Variants in HNRNPLL observed in about 807,000 individuals in gnomAD.
HNRNPLL encodes the protein heterogeneous nuclear ribonucleoprotein L-like.
In HNRNPLL, 25 loss-of-function variants were observed where a neutral mutation model predicts 67.1. The ratio of observed to expected loss-of-function variants is 0.37; its 90% CI spans 0.27 to 0.52. The LOEUF (loss-of-function observed/expected upper bound fraction) is 0.52, where lower values mean the gene tolerates loss of function less well. Ranked by LOEUF, HNRNPLL falls within the 20% of genes least tolerant of loss-of-function variation. The pLI, the probability that HNRNPLL is intolerant of heterozygous loss-of-function variation, is 0.90. For synonymous variants in HNRNPLL, 267 were observed against 241.7 expected (o/e 1.10, Z -0.97); for missense variants, 542 against 673.9 (o/e 0.80, Z 2.17).
At chr2:38,579,812 G>C (rs1666450738) in intron 6 of HNRNPLL, among the ~76,000 whole-genome samples, 1 of 151,836 alleles carries the variant, frequency 6.6e-6, no homozygotes, top group Non-Finnish European at 1.5e-5. Context: ...AGTTTCAATA[G>C]CTATCAATTT....
intron 12 of HNRNPLL, among the ~76,000 whole-genome samples, chr2:38,567,642 T>C (rs1021484546): frequency 5.3e-5 from 8 of 152,184 alleles, no homozygotes; most frequent in East Asian, 3.9e-4. Flanking sequence ...CCACCCTGTA[T>C]AGTCCCCTCC....
chr2:38,562,184 C>G lies in HNRNPLL; in HGVS notation c.*1998G>C, dbSNP rs114444331. ...GAGAGAGTATTCACAAAGCAAACTT[C>G]ATTAACAGCAGTCATGCCTAAGTAA... On this transcript the variant is annotated 3_prime_UTR_variant, in exon 13 of 13. Transcript: ENST00000449105. The G allele has an allele frequency of 6.6e-6, 1 of 152,168 alleles. No homozygotes were observed. The highest frequency in any genetic ancestry group is 1.5e-5 in the Non-Finnish European group (1 of 68,022). The allele number at this position is 152,168 out of a possible 1,614,324, so 9.4% of individuals were successfully genotyped here.
chr2:38,594,162 A>G (rs1275812939), intron 1 of HNRNPLL, among the ~76,000 whole-genome samples: 1 of 152,090 alleles, frequency 6.6e-6, no homozygotes, highest in Non-Finnish European at 1.5e-5. Context: ...GCGACAGAAC[A>G]AGACTCCATC....
chr2:38,581,464 T>C (rs1271875073), intron 6 of HNRNPLL: 1 of 183,356 alleles, frequency 5.5e-6, no homozygotes, highest in Non-Finnish European at 1.1e-5. Context: ...TTCAGAGGGC[T>C]TTTTGCTGAT....
intron 1 of HNRNPLL, chr2:38,602,196 G>C (rs1446624310): frequency 5.9e-6 from 3 of 506,544 alleles, no homozygotes; most frequent in Middle Eastern, 5.0e-4. Flanking sequence ...CCCTCCCCAA[G>C]TTCAGGGCCC....
intron 4 of HNRNPLL, 54 bp downstream of exon 4, chr2:38,583,787 A>G (rs2148362445): frequency 1.2e-6 from 1 of 846,272 alleles, no homozygotes; most frequent in East Asian, 2.7e-5. Context: ...TAAGCCAGAA[A>G]AAATAAGATC....
intron 1 of HNRNPLL, among the ~76,000 whole-genome samples, chr2:38,601,275 T>C (rs546915858): frequency 6.6e-6 from 1 of 152,328 alleles, no homozygotes; most frequent in Admixed American, 6.5e-5. Context: ...AACTGGAAAC[T>C]GCAACGCTGG....
chr2:38,602,242 G>A (rs1054135381), intron 1 of HNRNPLL, 196 bp downstream of exon 1: 1 of 556,000 alleles, frequency 1.8e-6, no homozygotes. Flanking sequence ...CGGCCAGGAC[G>A]GCGCCGGGTT....
At chr2:38,598,809 C>A (rs1667311919) in intron 1 of HNRNPLL, among the ~76,000 whole-genome samples, 1 of 152,170 alleles carries the variant, frequency 6.6e-6, no homozygotes, top group South Asian at 2.1e-4. Flanking sequence ...GATGGTAAAA[C>A]CTACTACTTT....
At chr2:38,579,866 T>A (rs999663581) in intron 6 of HNRNPLL, among the ~76,000 whole-genome samples, 1 of 152,168 alleles carries the variant, frequency 6.6e-6, no homozygotes, top group African/African-American at 2.4e-5. Flanking sequence ...CATAAACTGT[T>A]ATGGTCTCGC....
chr2:38,563,033 G>A lies in HNRNPLL; in HGVS notation c.*1149C>T, dbSNP rs188793296. 1.1e-3 allele frequency: 165 copies of A among 152,088 alleles called. No homozygotes were observed. Among genetic ancestry groups the A allele is most frequent in the African/African-American group, 3.8e-3 (157 of 41,520 alleles). 9.4% of individuals were successfully genotyped at this position (152,088 alleles called of 1,614,324 possible). Reference sequence around the variant, plus strand: ...ACATATTCTCCCTTCTTTTAAAGATGAAAACAAAATGGCCACATCAGTTTT... The same window carrying A: ...ACATATTCTCCCTTCTTTTAAAGATAAAAACAAAATGGCCACATCAGTTTT... On this transcript the variant is annotated 3_prime_UTR_variant, in exon 13 of 13. Transcript: ENST00000449105.
Position 38,602,895 on chromosome 2 carries a change from T to TCC in HNRNPLL, c.-271_-270dup, listed in dbSNP as rs1270434516. On this transcript the variant is annotated 5_prime_UTR_variant, in exon 1 of 13. Transcript: ENST00000449105. ...AGCCTCTCCCTCCTCCTCCTCCGTC[T>TCC]CCGCTCCCTGCCCGGAGGAGCGAAT... is the stretch of plus-strand genomic sequence containing the variant. The TCC allele has an allele frequency of 1.2e-5, 18 of 1,544,218 alleles. No homozygotes were observed. Among genetic ancestry groups the TCC allele is most frequent in the Non-Finnish European group, 1.6e-5 (18 of 1,142,078 alleles).
In HNRNPLL at chr2:38,577,311, A is replaced by C. The variant is rs75047903; in HGVS notation, c.874+150T>G. On this transcript the variant is annotated intron_variant, in intron 7 of 12. Transcript: ENST00000449105. ...ATCCTAAGAAAACAAATTTTGGACA[A>C]CTCCTGGGAGTACATTACAAGGGAC... The C allele has an allele frequency of 0.03, 15,817 of 529,168 alleles. 433 individuals are homozygous for C. The highest frequency in any genetic ancestry group is 0.075 in the South Asian group (2,585 of 34,656). 32.8% of individuals were successfully genotyped at this position (529,168 alleles called of 1,614,324 possible). A position where few individuals can be genotyped will look rare whatever the true frequency, so the allele number is the denominator to read the frequency against.
chr2:38,575,106 A>T (rs1666248601), intron 7 of HNRNPLL, among the ~76,000 whole-genome samples: 1 of 151,750 alleles, frequency 6.6e-6, no homozygotes, highest in Non-Finnish European at 1.5e-5. Flanking sequence ...AACCTCTGAG[A>T]TCTACTGCCC....
intron 2 of HNRNPLL, among the ~76,000 whole-genome samples, chr2:38,590,156 C>T (rs146124706): frequency 6.7e-4 from 102 of 152,264 alleles, no homozygotes; most frequent in Non-Finnish European, 9.1e-4. Context: ...CCAAGGTTAA[C>T]GTGTTTGCCA....
Position 38,564,004 on chromosome 2 carries a change from ACAATT to A in HNRNPLL, c.*173_*177del, listed in dbSNP as rs1250969729. 8.9e-6 allele frequency: 5 copies of A among 561,894 alleles called. No individual in the cohort carries two copies. Among genetic ancestry groups the A allele is most frequent in the South Asian group, 4.6e-5 (2 of 43,490 alleles). The allele number at this position is 561,894 out of a possible 1,614,324, so 34.8% of individuals were successfully genotyped here. ...TATGATATTCTATCTTAAAATGAAA[ACAATT>A]CAATATTTAAGCTTACAACAAATTT... is the stretch of plus-strand genomic sequence containing the variant. On this transcript the variant is annotated 3_prime_UTR_variant, in exon 13 of 13. Transcript: ENST00000449105.
intron 1 of HNRNPLL, among the ~76,000 whole-genome samples, chr2:38,596,406 G>T (rs1010521660): frequency 2.0e-4 from 30 of 152,080 alleles, no homozygotes; most frequent in African/African-American, 7.2e-4. Flanking sequence ...CCACAAGCAT[G>T]TACCACCACA....
At position 38,562,699 on chromosome 2, in the gene HNRNPLL, T is replaced by A. The variant is rs1186029202; in HGVS notation, c.*1483A>T. 6.6e-6 allele frequency: 1 copy of A among 151,998 alleles called. No individual in the cohort carries two copies. The highest frequency in any genetic ancestry group is 1.5e-5 in the Non-Finnish European group (1 of 67,950). 9.4% of individuals were successfully genotyped at this position (151,998 alleles called of 1,614,324 possible). A position where few individuals can be genotyped will look rare whatever the true frequency, so the allele number is the denominator to read the frequency against. On this transcript the variant is annotated 3_prime_UTR_variant, in exon 13 of 13. Coordinates refer to ENST00000449105, the MANE Select transcript of HNRNPLL (RefSeq NM_138394.4). ...AACTTACTGGGTTCTGTGATAAGGG[T>A]CTAAAATACTTCTAGATTAAATTTA...
chr2:38,601,786 A>G (rs908589839), intron 1 of HNRNPLL, among the ~76,000 whole-genome samples: 4 of 152,170 alleles, frequency 2.6e-5, no homozygotes, highest in African/African-American at 9.7e-5. Context: ...AGCTGCCAAC[A>G]CTTCTGTTGA....
Sources: gnomAD v4.1 joint callset for allele counts (sites outside exome capture counted in the v4.1 genomes callset) on GRCh38, gnomAD v4.1.1 for gene constraint, MANE v1.5 for transcripts, NCBI Gene and HGNC (gene_info 2026-07-23, HGNC 2026-07-21) for gene names.